SHANK2: variants seen among roughly 807,000 people sequenced by gnomAD.
The protein encoded by SHANK2 is SH3 and multiple ankyrin repeat domains 2, also known as SH3 and multiple ankyrin repeat domains protein 2.
In SHANK2, 43 loss-of-function variants were observed where a neutral mutation model predicts 133.7. That is an observed-to-expected ratio of 0.32 (90% CI 0.25 to 0.41). The LOEUF (loss-of-function observed/expected upper bound fraction) is 0.41, where lower values mean the gene tolerates loss of function less well. Ranked by LOEUF, SHANK2 falls within the 10% of genes least tolerant of loss-of-function variation. SHANK2 has a pLI of 1.00. For synonymous variants in SHANK2, 1,017 were observed against 952.8 expected, an observed-to-expected ratio of 1.07 and a Z score of -1.24; for missense variants, 1,994 against 2,235.8, an observed-to-expected ratio of 0.89 and a Z score of 2.18.
Position 71,203,555 on chromosome 11 carries a change from G to A in SHANK2, c.-13+21142C>T, listed in dbSNP as rs555831201. 6.6e-5 allele frequency among the ~76,000 whole-genome samples: 10 copies of A among 152,130 alleles called. No homozygotes were observed. In the South Asian group the frequency reaches 2.1e-3, roughly 32 times the overall value. ...GCAGAGGTTGCAGTGAGCCAAGATG[G>A]CACCACTGCACTCCAGGCAACAGAC... On this transcript the variant is annotated intron_variant, in intron 2 of 25. Transcript: ENST00000601538.
chr11:70,651,358 ACTC>A (rs2061336821), intron 17 of SHANK2, among the ~76,000 whole-genome samples: 1 of 152,044 alleles, frequency 6.6e-6, no homozygotes, highest in African/African-American at 2.4e-5. Context: ...TTCCTGGGCC[ACTC>A]CTCAGCCCGA....
chr11:70,833,720 C>T (rs782060467), intron 11 of SHANK2, among the ~76,000 whole-genome samples: 11 of 152,236 alleles, frequency 7.2e-5, no homozygotes, highest in African/African-American at 2.4e-4. Flanking sequence ...GTTGCCATCA[C>T]GACCACGACT....
intron 14 of SHANK2, among the ~76,000 whole-genome samples, chr11:70,716,123 T>C (rs73527928): frequency 0.028 from 4,295 of 152,204 alleles, 195 homozygotes; most frequent in African/African-American, 0.097. Context: ...CATCCTGTCT[T>C]AGGGCCCTCT....
chr11:71,085,487 T>C lies in SHANK2; in HGVS notation c.912+6935A>G, dbSNP rs1278286266. Among the ~76,000 whole-genome samples the C allele has an allele frequency of 1.9e-4, 23 of 121,374 alleles. No homozygotes were observed. In the South Asian group the frequency reaches 5.1e-3, roughly 27 times the overall value. The allele number at this position is 121,374 out of a possible 152,430, so 79.6% of individuals were successfully genotyped here. A position where few individuals can be genotyped will look rare whatever the true frequency, so the allele number is the denominator to read the frequency against. On this transcript the variant is annotated intron_variant, in intron 8 of 25. Transcript: ENST00000601538. ...ATATATATATATAATATATATGTTA[T>C]ATAATATATAATATATATGTTATAT... is the stretch of plus-strand genomic sequence containing the variant.
chr11:70,565,812 T>C (rs1261728928), intron 17 of SHANK2, among the ~76,000 whole-genome samples: 4 of 152,226 alleles, frequency 2.6e-5, no homozygotes, highest in African/African-American at 9.6e-5. Context: ...AAGTAGAAGT[T>C]GGAGCAGAAG....
At chr11:70,876,375 ACG>A (rs1949565419) in intron 11 of SHANK2, among the ~76,000 whole-genome samples, 4 of 151,206 alleles carry the variant, frequency 2.6e-5, no homozygotes, top group African/African-American at 9.7e-5. Context: ...CCTGGCTAAC[ACG>A]GTGAAACCTC....
At chr11:70,698,271 G>T in intron 15 of SHANK2, 1 of 218,384 alleles carries the variant, frequency 4.6e-6, no homozygotes, top group Non-Finnish European at 9.2e-6. Context: ...CTAAGCAGAA[G>T]TGGCAGGAAT....
chr11:70,841,919 A>G (rs1555061826), intron 11 of SHANK2, among the ~76,000 whole-genome samples: 1 of 152,166 alleles, frequency 6.6e-6, no homozygotes, highest in Non-Finnish European at 1.5e-5. Flanking sequence ...AGACAACCCC[A>G]GAGCCCACAG....
chr11:71,080,121 G>T (rs1951278116), intron 8 of SHANK2, among the ~76,000 whole-genome samples: 1 of 152,156 alleles, frequency 6.6e-6, no homozygotes, highest in Non-Finnish European at 1.5e-5. Context: ...CTGAGAGGGT[G>T]ATAGGAGGGT....
At chr11:70,490,589 C>T (rs117783831) in intron 22 of SHANK2, among the ~76,000 whole-genome samples, 35 of 152,382 alleles carry the variant, frequency 2.3e-4, no homozygotes, top group East Asian at 1.9e-3. Context: ...CTTTCCTATT[C>T]GCTGCAGCTG....
At chr11:70,838,879 C>A (rs1948862256) in intron 11 of SHANK2, among the ~76,000 whole-genome samples, 1 of 152,154 alleles carries the variant, frequency 6.6e-6, no homozygotes, top group Non-Finnish European at 1.5e-5. Context: ...CAGTAAGACT[C>A]CAGTTTATGT....
intron 16 of SHANK2, among the ~76,000 whole-genome samples, chr11:70,661,089 T>C (rs545827024): frequency 6.6e-6 from 1 of 152,304 alleles, no homozygotes; most frequent in East Asian, 1.9e-4. Context: ...TTGTCACATT[T>C]CCTTTGCAAA....
At chr11:70,791,369 C>G (rs536309434) in intron 14 of SHANK2, among the ~76,000 whole-genome samples, 1 of 152,282 alleles carries the variant, frequency 6.6e-6, no homozygotes, top group South Asian at 2.1e-4. Context: ...TTCTAGAGCA[C>G]CATCTTCCAA....
chr11:70,852,361 C>T (rs1949099057), intron 11 of SHANK2, among the ~76,000 whole-genome samples: 1 of 152,220 alleles, frequency 6.6e-6, no homozygotes, highest in African/African-American at 2.4e-5. Context: ...AAGAAGTTTC[C>T]TCAGAAGGCC....
In SHANK2 at chr11:70,471,134, T is replaced by C. The variant is rs145105501; in HGVS notation, c.*1735A>G. The stretch of plus-strand genomic sequence containing the variant: ...AGGCTGCCTAGTAGACCAGCCACTT[T>C]TTTTTCTTAAAATATTGTGCTTATA... On this transcript the variant is annotated 3_prime_UTR_variant, in exon 26 of 26. Coordinates refer to ENST00000601538, the MANE Select transcript of SHANK2 (RefSeq NM_012309.5). The surrounding 1 kb of genome is among the most constrained non-coding windows in gnomAD (Gnocchi z 4.1). 1.0e-4 allele frequency: 40 copies of C among 397,822 alleles called. No homozygotes were observed. Among genetic ancestry groups the C allele is most frequent in the African/African-American group, 7.8e-4 (38 of 48,746 alleles). 24.6% of individuals were successfully genotyped at this position (397,822 alleles called of 1,614,324 possible).
intron 17 of SHANK2, among the ~76,000 whole-genome samples, chr11:70,599,905 G>GAAAA (rs1466206835): frequency 0.022 from 1,608 of 73,548 alleles, 64 homozygotes; most frequent in Non-Finnish European, 0.027. Flanking sequence ...AAGAAAGAAA[G>GAAAA]AGAAAGAAAG....
intron 25 of SHANK2, among the ~76,000 whole-genome samples, chr11:70,477,908 C>T (rs1298478490): frequency 1.3e-5 from 2 of 152,174 alleles, no homozygotes; most frequent in Non-Finnish European, 2.9e-5. Context: ...GCTAAGCAAC[C>T]GCTGGGTTCC....
chr11:70,571,606 A>G (rs1211375435), intron 17 of SHANK2, among the ~76,000 whole-genome samples: 3 of 152,026 alleles, frequency 2.0e-5, no homozygotes, highest in African/African-American at 7.3e-5. Flanking sequence ...GGGTCTAGGG[A>G]GGAGAGGTGA....
chr11:70,536,931 G>A (rs1182128146), intron 17 of SHANK2, among the ~76,000 whole-genome samples: 2 of 152,192 alleles, frequency 1.3e-5, no homozygotes, highest in Non-Finnish European at 2.9e-5. Flanking sequence ...ATGGGGTGAG[G>A]ACAGAGCAGA....
Sources: allele counts gnomAD v4.1 joint callset (sites outside exome capture counted in the v4.1 genomes callset), GRCh38; gene constraint gnomAD v4.1.1; non-coding constraint Gnocchi (gnomAD v3.1); transcripts MANE v1.5; gene names NCBI Gene and HGNC (gene_info 2026-07-23, HGNC 2026-07-21).